Variants in NTM observed in about 807,000 individuals in gnomAD.
The protein encoded by NTM is neurotrimin, also known as IgLON family member 2.
A neutral mutation model predicts 42.1 loss-of-function variants in NTM; 13 were observed. The ratio of observed to expected loss-of-function variants is 0.31; its 90% CI spans 0.20 to 0.49. NTM has a LOEUF of 0.49. Ranked by LOEUF, NTM falls within the 20% of genes least tolerant of loss-of-function variation. The pLI is 0.99. For missense variants in NTM, 373 were observed against 452.8 expected, an observed-to-expected ratio of 0.82 and a Z score of 1.60; for synonymous variants, 187 against 179.2, an observed-to-expected ratio of 1.04 and a Z score of -0.35.
At chr11:131,966,582 A>G (rs1356367754) in intron 2 of NTM, among the ~76,000 whole-genome samples, 1 of 152,196 alleles carries the variant, frequency 6.6e-6, no homozygotes, top group Non-Finnish European at 1.5e-5. Flanking sequence ...TAGGAAATAA[A>G]TTCCAGGCAG....
At chr11:132,251,042 G>A (rs532039135) in intron 4 of NTM, among the ~76,000 whole-genome samples, 3 of 152,246 alleles carry the variant, frequency 2.0e-5, no homozygotes, top group African/African-American at 7.2e-5. Flanking sequence ...AGATGACCGA[G>A]GTCTATGTAA....
chr11:131,653,806 C>T (rs752970919), intron 1 of NTM, among the ~76,000 whole-genome samples: 6 of 152,104 alleles, frequency 3.9e-5, no homozygotes, highest in Non-Finnish European at 8.8e-5. Context: ...GAGTGGCTTT[C>T]GGAATGACCA....
chr11:132,122,952 T>C (rs1334434870), intron 2 of NTM, among the ~76,000 whole-genome samples: 2 of 152,130 alleles, frequency 1.3e-5, no homozygotes, highest in Non-Finnish European at 2.9e-5. Context: ...GCAAGGGAGA[T>C]GGAAAACATG....
At chr11:132,089,697 T>C (rs901851881) in intron 2 of NTM, among the ~76,000 whole-genome samples, 2 of 152,224 alleles carry the variant, frequency 1.3e-5, no homozygotes, top group African/African-American at 2.4e-5. Context: ...ATTGTTCTCA[T>C]AAACTTTTTG....
intron 1 of NTM, among the ~76,000 whole-genome samples, chr11:131,864,923 G>A (rs4937666): frequency 0.1 from 15,939 of 152,172 alleles, 978 homozygotes; most frequent in Middle Eastern, 0.14. Flanking sequence ...ACTGACAGTC[G>A]ACTGAGCCAG....
At chr11:132,163,320 G>A (rs1035765192) in intron 3 of NTM, among the ~76,000 whole-genome samples, 7 of 152,200 alleles carry the variant, frequency 4.6e-5, no homozygotes, top group Admixed American at 4.6e-4. Context: ...TCTAGTCATG[G>A]AAGATTGTAA....
At chr11:131,645,894 G>T (rs1050480532) in intron 1 of NTM, among the ~76,000 whole-genome samples, 29 of 152,170 alleles carry the variant, frequency 1.9e-4, no homozygotes, top group African/African-American at 7.0e-4. Context: ...CATTAGAAAC[G>T]TTCATGACGT....
At chr11:131,531,151 C>A (rs868432396) in intron 1 of NTM, among the ~76,000 whole-genome samples, 22 of 152,306 alleles carry the variant, frequency 1.4e-4, no homozygotes, top group Middle Eastern at 3.4e-3. Flanking sequence ...ATTTTTAATT[C>A]TTTTAGACAG....
chr11:131,605,206 A>AC lies in NTM; in HGVS notation c.82+234319dup, dbSNP rs566711252. Reference sequence around the variant, plus strand: ...ATGTTCACAGAATGACTTTTCATTTACTTGGGTCTTTTAAACTTTCTTTCA... The same window carrying AC: ...ATGTTCACAGAATGACTTTTCATTTACCTTGGGTCTTTTAAACTTTCTTTCA... On this transcript the variant is annotated intron_variant, in intron 1 of 8. Transcript: ENST00000683400. 4.4e-4 allele frequency among the ~76,000 whole-genome samples: 67 copies of AC among 152,204 alleles called. 1 individual carries two copies. The highest frequency in any genetic ancestry group is 1.5e-3 in the African/African-American group (62 of 41,538).
chr11:132,332,522 A>G (rs1037960443), intron 8 of NTM: 1 of 152,050 alleles, frequency 6.6e-6, no homozygotes, highest in African/African-American at 2.4e-5. Context: ...CTAACACAAC[A>G]AACAGGTGAG....
intron 1 of NTM, among the ~76,000 whole-genome samples, chr11:131,455,278 C>T (rs772863942): frequency 2.6e-5 from 4 of 152,160 alleles, no homozygotes; most frequent in Non-Finnish European, 4.4e-5. Flanking sequence ...GGAGGTGTTA[C>T]GAGTAGACGG....
intron 1 of NTM, among the ~76,000 whole-genome samples, chr11:131,404,702 C>T (rs1245074031): frequency 2.0e-5 from 3 of 152,216 alleles, no homozygotes; most frequent in Admixed American, 6.5e-5. Context: ...TTGATAGCAT[C>T]TTATAATCTG....
At chr11:131,960,382 C>T (rs573145991) in intron 2 of NTM, among the ~76,000 whole-genome samples, 1 of 152,328 alleles carries the variant, frequency 6.6e-6, no homozygotes, top group East Asian at 1.9e-4. Flanking sequence ...TTTTGAGGGA[C>T]TTCCTGCCCT....
intron 2 of NTM, among the ~76,000 whole-genome samples, chr11:132,127,909 T>C (rs2066123242): frequency 6.6e-6 from 1 of 152,218 alleles, no homozygotes; most frequent in Admixed American, 6.5e-5. Context: ...TTGTCTTAGA[T>C]CCACCCTTCC....
intron 1 of NTM, among the ~76,000 whole-genome samples, chr11:131,816,603 G>A (rs1220298383): frequency 1.3e-5 from 2 of 151,772 alleles, no homozygotes; most frequent in Middle Eastern, 3.4e-3. Flanking sequence ...TGGCAAATAA[G>A]GAACCTGAGT....
chr11:131,742,865 G>T (rs1248555723), intron 1 of NTM, among the ~76,000 whole-genome samples: 1 of 152,152 alleles, frequency 6.6e-6, no homozygotes, highest in Non-Finnish European at 1.5e-5. Context: ...TGCAGCAAGT[G>T]TACACATTAA....
intron 4 of NTM, among the ~76,000 whole-genome samples, chr11:132,248,825 C>T (rs1046853333): frequency 2.6e-5 from 4 of 152,344 alleles, no homozygotes; most frequent in East Asian, 1.9e-4. Context: ...TGCTCAGCTG[C>T]ACTGCCAATC....
At chr11:131,910,846 G>A in intron 1 of NTM, 1 of 985,100 alleles carries the variant, frequency 1.0e-6, no homozygotes, top group Non-Finnish European at 1.2e-6. Context: ...TGGGCTCCGA[G>A]GAAGTTGACC....
chr11:131,555,116 C>T (rs569705176), intron 1 of NTM, among the ~76,000 whole-genome samples: 9 of 152,178 alleles, frequency 5.9e-5, no homozygotes, highest in Admixed American at 1.3e-4. Context: ...GAGCTATGGT[C>T]GTGCCACTGC....
Sources: gnomAD v4.1 joint callset for allele counts (sites outside exome capture counted in the v4.1 genomes callset) on GRCh38, gnomAD v4.1.1 for gene constraint, MANE v1.5 for transcripts, NCBI Gene and HGNC (gene_info 2026-07-23, HGNC 2026-07-21) for gene names.